The following MVB12B variants were observed in gnomAD, a reference collection of about 807,000 sequenced individuals.
The protein encoded by MVB12B is multivesicular body subunit 12B, also known as ESCRT-I complex subunit MVB12B.
Under a neutral mutation model 41.6 loss-of-function variants are expected in MVB12B, and 16 were observed. The ratio of observed to expected loss-of-function variants is 0.38; its 90% CI spans 0.26 to 0.58. MVB12B has a LOEUF of 0.58. Ranked by LOEUF, MVB12B falls within the 20% of genes least tolerant of loss-of-function variation. The pLI, the probability that MVB12B is intolerant of heterozygous loss-of-function variation, is 0.62. For missense variants in MVB12B, 274 were observed against 380.2 expected, an observed-to-expected ratio of 0.72 and a Z score of 2.32; for synonymous variants, 133 against 139.7, an observed-to-expected ratio of 0.95 and a Z score of 0.34.
intron 1 of MVB12B, among the ~76,000 whole-genome samples, chr9:126,337,023 T>C (rs1302289809): frequency 6.6e-6 from 1 of 152,234 alleles, no homozygotes; most frequent in East Asian, 1.9e-4. Context: ...GTATTGAGAA[T>C]AGACTTAGAT....
chr9:126,348,794 T>C (rs140402461), intron 2 of MVB12B, among the ~76,000 whole-genome samples: 71 of 152,342 alleles, frequency 4.7e-4, no homozygotes, highest in Middle Eastern at 3.4e-3. Flanking sequence ...TAGGAAGTAC[T>C]ACAGAGAGAT....
At chr9:126,502,464 C>G (rs983408476) in intron 9 of MVB12B, among the ~76,000 whole-genome samples, 2 of 152,222 alleles carry the variant, frequency 1.3e-5, no homozygotes, top group African/African-American at 4.8e-5. Context: ...GTTAGGTGAG[C>G]TGGGGTCTCT....
Position 126,503,325 on chromosome 9 carries a change from T to A in MVB12B, c.*62T>A. ...CCAGACTACTGACGGCAGGGGCTGC[T>A]GCCCCCGCCTCCTCCTGCCGCCTCC... On this transcript the variant is annotated 3_prime_UTR_variant, in exon 10 of 10. Coordinates refer to ENST00000361171, the MANE Select transcript of MVB12B (RefSeq NM_033446.3). 1.5e-6 allele frequency: 2 copies of A among 1,359,104 alleles called. No individual in the cohort carries two copies. The highest frequency in any genetic ancestry group is 1.3e-5 in the South Asian group (1 of 78,766). The allele number at this position is 1,359,104 out of a possible 1,614,324, so 84.2% of individuals were successfully genotyped here.
At position 126,506,473 on chromosome 9, in the gene MVB12B, TGCCGGTCACCAG is replaced by T. The variant is rs1363015607; in HGVS notation, c.*3214_*3225del. 5.9e-5 allele frequency: 9 copies of T among 152,364 alleles called. No individual in the cohort carries two copies. Among genetic ancestry groups the T allele is most frequent in the Admixed American group, 5.9e-4 (9 of 15,284 alleles). The allele number at this position is 152,364 out of a possible 1,614,324, so 9.4% of individuals were successfully genotyped here. On this transcript the variant is annotated 3_prime_UTR_variant, in exon 10 of 10. Transcript: ENST00000361171. The stretch of plus-strand genomic sequence containing the variant: ...GGACTTCCCGGCCGCCACTGGGCCC[TGCCGGTCACCAG>T]GCCACTGTGCAGTGGGCGCAGAGCA...
chr9:126,502,211 T>C (rs1417752990), intron 9 of MVB12B, among the ~76,000 whole-genome samples: 1 of 152,164 alleles, frequency 6.6e-6, no homozygotes, highest in Non-Finnish European at 1.5e-5. Context: ...TTCCAGGCCA[T>C]TCCCCATACC....
Position 126,469,752 on chromosome 9 carries a change from G to A in MVB12B, c.758-11617G>A, listed in dbSNP as rs117457046. Among the ~76,000 whole-genome samples the A allele has an allele frequency of 5.1e-3, 773 of 152,344 alleles. 4 individuals carry two copies. Among genetic ancestry groups the A allele is most frequent in the Non-Finnish European group, 8.7e-3 (589 of 68,038 alleles). On this transcript the variant is annotated intron_variant, in intron 7 of 9. Transcript: ENST00000361171. ...CTCGAGCTCACTGAGGAGTTTCTGCGTTTGTCGCTGTGGGCAGCAGGTGTG... is the reference window on the plus strand; with the variant it reads ...CTCGAGCTCACTGAGGAGTTTCTGCATTTGTCGCTGTGGGCAGCAGGTGTG...
chr9:126,470,088 G>A (rs983171351), intron 7 of MVB12B, among the ~76,000 whole-genome samples: 1 of 152,192 alleles, frequency 6.6e-6, no homozygotes, highest in African/African-American at 2.4e-5. Flanking sequence ...GTGAGTATTA[G>A]TGTTATTACT....
rs1274150497 is a variant in MVB12B at position 126,391,179 on chromosome 9, G to A, written c.410-887G>A. Among the ~76,000 whole-genome samples, 2 of 152,136 alleles carry A rather than the reference G, an allele frequency of 1.3e-5. No homozygotes were observed. The highest frequency in any genetic ancestry group is 1.9e-4 in the East Asian group (1 of 5,190). ...TCACTATATGACAGCCTAGACTTAC[G>A]TGTACCCCGGACGGCGTGCATGCCT... On this transcript the variant is annotated intron_variant, in intron 4 of 9. Coordinates refer to ENST00000361171, the MANE Select transcript of MVB12B (RefSeq NM_033446.3). The surrounding 1 kb of genome is among the most constrained non-coding windows in gnomAD (Gnocchi z 4.4).
Position 126,426,000 on chromosome 9 carries a change from A to G in MVB12B, c.757+4052A>G, listed in dbSNP as rs553529192. Among the ~76,000 whole-genome samples the G allele has an allele frequency of 3.9e-5, 6 of 152,380 alleles. No individual in the cohort carries two copies. In the South Asian group the frequency reaches 1.2e-3, roughly 32 times the overall value. Reference sequence around the variant, plus strand: ...TTTAAATAGTTGGACAAAAATAAAAAGAGTAATATTTAGGGACATGTGAAA... The same window carrying G: ...TTTAAATAGTTGGACAAAAATAAAAGGAGTAATATTTAGGGACATGTGAAA... On this transcript the variant is annotated intron_variant, in intron 7 of 9. Coordinates refer to ENST00000361171, the MANE Select transcript of MVB12B (RefSeq NM_033446.3).
chr9:126,388,565 G>T (rs1372914032), intron 4 of MVB12B, among the ~76,000 whole-genome samples: 1 of 152,170 alleles, frequency 6.6e-6, no homozygotes, highest in Non-Finnish European at 1.5e-5. Context: ...TCATGGAATT[G>T]CTGGGTCATA....
At chr9:126,414,500 T>C (rs745393471) in intron 6 of MVB12B, among the ~76,000 whole-genome samples, 2 of 152,152 alleles carry the variant, frequency 1.3e-5, no homozygotes, top group African/African-American at 4.8e-5. Flanking sequence ...ACCAAACAGA[T>C]TTTGGAATAA....
At chr9:126,342,770 AAG>A (rs752886715) in intron 2 of MVB12B, among the ~76,000 whole-genome samples, 21 of 152,280 alleles carry the variant, frequency 1.4e-4, no homozygotes, top group Non-Finnish European at 2.8e-4. Flanking sequence ...GCATGGTGAG[AAG>A]AGAGACTTCT....
chr9:126,415,260 A>G (rs568085522), intron 6 of MVB12B, among the ~76,000 whole-genome samples: 2 of 152,302 alleles, frequency 1.3e-5, no homozygotes, highest in African/African-American at 4.8e-5. Context: ...TATGGGAAAG[A>G]AGCCAAAGAG....
intron 7 of MVB12B, among the ~76,000 whole-genome samples, chr9:126,452,723 G>A (rs918747721): frequency 1.3e-5 from 2 of 152,086 alleles, no homozygotes; most frequent in Middle Eastern, 3.2e-3. Context: ...TGTTGGGGGT[G>A]GGGGTGATTT....
At chr9:126,458,615 A>C (rs1833032941) in intron 7 of MVB12B, among the ~76,000 whole-genome samples, 1 of 152,130 alleles carries the variant, frequency 6.6e-6, no homozygotes, top group Non-Finnish European at 1.5e-5. Flanking sequence ...GTTCCCCCTC[A>C]TTCCAGCCTG....
rs1370254623 is a variant in MVB12B at position 126,386,435 on chromosome 9, CTAAT to C, written c.313-123_313-120del. On this transcript the variant is annotated intron_variant, in intron 3 of 9. Transcript: ENST00000361171. The surrounding 1 kb of genome is among the most constrained non-coding windows in gnomAD (Gnocchi z 4.3). Reference sequence around the variant, plus strand: ...TGGGGACCATTAAGTGTCACCTACTCTAATTAACCTGCTGTCATAAAGCTGCACG... The same window carrying C: ...TGGGGACCATTAAGTGTCACCTACTCTAACCTGCTGTCATAAAGCTGCACG... 6.2e-6 allele frequency: 4 copies of C among 649,602 alleles called. No homozygotes were observed. The highest frequency in any genetic ancestry group is 1.1e-5 in the Non-Finnish European group (4 of 360,466). 40.2% of individuals were successfully genotyped at this position (649,602 alleles called of 1,614,324 possible). A position where few individuals can be genotyped will look rare whatever the true frequency, so the allele number is the denominator to read the frequency against.
rs1256356627 is a variant in MVB12B, at chr9:126,367,386, G to T, written c.205-13678G>T. Among the ~76,000 whole-genome samples the T allele has an allele frequency of 1.3e-5, 2 of 152,018 alleles. No individual in the cohort carries two copies. Among genetic ancestry groups the T allele is most frequent in the Admixed American group, 6.5e-5 (1 of 15,272 alleles). ...CTCTCTCTCATCCGCGTGGCCAGTG[G>T]TCCAGCCAACCCCACGCTTCCCACA... On this transcript the variant is annotated intron_variant, in intron 2 of 9. Coordinates refer to ENST00000361171, the MANE Select transcript of MVB12B (RefSeq NM_033446.3). The surrounding 1 kb of genome is among the most constrained non-coding windows in gnomAD (Gnocchi z 4.3).
intron 7 of MVB12B, among the ~76,000 whole-genome samples, chr9:126,467,794 A>G (rs1487136893): frequency 6.6e-6 from 1 of 152,188 alleles, no homozygotes; most frequent in Non-Finnish European, 1.5e-5. Flanking sequence ...TTTCTGGCAC[A>G]ACAAGATGTT....
At chr9:126,454,644 C>T (rs1172962076) in intron 7 of MVB12B, among the ~76,000 whole-genome samples, 11 of 152,124 alleles carry the variant, frequency 7.2e-5, no homozygotes, top group Admixed American at 7.2e-4. Context: ...TGGCTTTAGC[C>T]CCATAAAGAC....
Sources: allele counts gnomAD v4.1 joint callset (sites outside exome capture counted in the v4.1 genomes callset), GRCh38; gene constraint gnomAD v4.1.1; non-coding constraint Gnocchi (gnomAD v3.1); transcripts MANE v1.5; gene names NCBI Gene and HGNC (gene_info 2026-07-23, HGNC 2026-07-21).